Variants in KIAA1217 observed in about 807,000 individuals in gnomAD.
KIAA1217 encodes the protein KIAA1217.
In KIAA1217, 88 loss-of-function variants were observed where a neutral mutation model predicts 163.9. The observed-to-expected ratio is 0.54, with a 90% CI of 0.45 to 0.64. The LOEUF (loss-of-function observed/expected upper bound fraction) is 0.64. Ranked by LOEUF, KIAA1217 falls within the 30% of genes least tolerant of loss-of-function variation. KIAA1217 has a pLI of 0.00. For synonymous variants in KIAA1217, 903 were observed against 923.1 expected (o/e 0.98, Z 0.39); for missense variants, 2,372 against 2,475.0 (o/e 0.96, Z 0.88).
At chr10:24,116,464 C>T (rs1241682771) in intron 2 of KIAA1217, among the ~76,000 whole-genome samples, 2 of 152,092 alleles carry the variant, frequency 1.3e-5, no homozygotes, top group African/African-American at 4.8e-5. Flanking sequence ...AATATGGCAA[C>T]AGAGACTGCA....
intron 6 of KIAA1217, among the ~76,000 whole-genome samples, chr10:24,476,581 G>A (rs1269003694): frequency 1.3e-5 from 2 of 152,020 alleles, no homozygotes; most frequent in Non-Finnish European, 2.9e-5. Context: ...CTAAAATACA[G>A]TCATTATCAC....
rs1019261711 is a variant in KIAA1217, at chr10:24,037,528, G to A, written c.-171+30154G>A. 7.2e-5 allele frequency among the ~76,000 whole-genome samples: 11 copies of A among 151,992 alleles called. No individual in the cohort carries two copies. The East Asian group carries it at 1.2e-3, about 16-fold the overall frequency. On this transcript the variant is annotated intron_variant, in intron 2 of 18. Coordinates refer to the KIAA1217 transcript ENST00000376462. ...AGCAAAAAAATGGAACATAGCCCAC[G>A]AATTCAAAGTAAACCTCAGAGCAAA...
intron 1 of KIAA1217, among the ~76,000 whole-genome samples, chr10:23,791,117 C>G (rs573883532): frequency 7.2e-5 from 11 of 152,118 alleles, no homozygotes; most frequent in Admixed American, 1.3e-4. Context: ...CTTTTGACAT[C>G]TATAAATAGC....
At chr10:23,967,899 ATG>A (rs58562978) in intron 1 of KIAA1217, among the ~76,000 whole-genome samples, 19,755 of 143,632 alleles carry the variant, frequency 0.14, 2,560 homozygotes, top group African/African-American at 0.35. Flanking sequence ...AATATATTAA[ATG>A]TGTGTGTGTG....
At chr10:24,402,513 A>C (rs1454088036) in intron 3 of KIAA1217, among the ~76,000 whole-genome samples, 1 of 118,380 alleles carries the variant, frequency 8.4e-6, no homozygotes, top group African/African-American at 4.0e-5. Context: ...CCTCTCAAAA[A>C]AACAAAAAAC....
intron 2 of KIAA1217, among the ~76,000 whole-genome samples, chr10:24,305,526 A>G (rs2041911540): frequency 6.6e-6 from 1 of 152,118 alleles, no homozygotes; most frequent in African/African-American, 2.4e-5. Context: ...GGAAGGGACT[A>G]TTATCATCCT....
At chr10:24,005,862 G>A (rs4336925) in intron 1 of KIAA1217, among the ~76,000 whole-genome samples, 10,498 of 152,232 alleles carry the variant, frequency 0.069, 398 homozygotes, top group Middle Eastern at 0.11. Flanking sequence ...GTTTTATGAC[G>A]AAGTGGTCAC....
intron 1 of KIAA1217, among the ~76,000 whole-genome samples, chr10:23,785,856 A>G (rs1290495092): frequency 6.6e-6 from 1 of 152,138 alleles, no homozygotes; most frequent in Non-Finnish European, 1.5e-5. Flanking sequence ...GAAAAGAGTA[A>G]AGGAGAAAGA....
intron 2 of KIAA1217, among the ~76,000 whole-genome samples, chr10:24,349,493 C>G (rs2048199873): frequency 6.6e-6 from 1 of 152,160 alleles, no homozygotes; most frequent in East Asian, 1.9e-4. Flanking sequence ...GTGGTTTTCC[C>G]ATTTTACAGA....
rs544237473 is a variant in KIAA1217 at position 24,008,757 on chromosome 10, C to T, written c.-171+1383C>T. 2.6e-5 allele frequency among the ~76,000 whole-genome samples: 4 copies of T among 152,170 alleles called. No individual in the cohort carries two copies. The East Asian group carries it at 5.8e-4, about 22-fold the overall frequency. On this transcript the variant is annotated intron_variant, in intron 2 of 18. Coordinates refer to the KIAA1217 transcript ENST00000376462. ...CTGCCAAACCAGCTACCTTTCTCAC[C>T]CCAGGGAGAAGCCAGGGATCAGACA... is the stretch of plus-strand genomic sequence containing the variant.
At chr10:24,141,208 G>A (rs1032316249) in intron 2 of KIAA1217, among the ~76,000 whole-genome samples, 5 of 143,670 alleles carry the variant, frequency 3.5e-5, no homozygotes, top group African/African-American at 5.1e-5. Context: ...GTCTCTTAAT[G>A]CTCAGAGAAA....
At chr10:24,213,018 A>G (rs2068347906) in intron 1 of KIAA1217, among the ~76,000 whole-genome samples, 1 of 152,208 alleles carries the variant, frequency 6.6e-6, no homozygotes, top group Non-Finnish European at 1.5e-5. Context: ...TGAAAGTGAA[A>G]GGGAACACTC....
chr10:23,892,066 G>A (rs79902044), intron 1 of KIAA1217, among the ~76,000 whole-genome samples: 2,298 of 151,686 alleles, frequency 0.015, 58 homozygotes, highest in African/African-American at 0.052. Context: ...AAATATGAAT[G>A]GTGATAAAAA....
At chr10:24,347,883 T>G (rs997596796) in intron 2 of KIAA1217, among the ~76,000 whole-genome samples, 2 of 152,196 alleles carry the variant, frequency 1.3e-5, no homozygotes, top group Admixed American at 1.3e-4. Flanking sequence ...CACAATCAAA[T>G]TCATGAATAT....
intron 1 of KIAA1217, among the ~76,000 whole-genome samples, chr10:23,924,610 C>G (rs1842957296): frequency 6.6e-6 from 1 of 152,148 alleles, no homozygotes; most frequent in Non-Finnish European, 1.5e-5. Flanking sequence ...CAAAGTCAGA[C>G]AGTAGGACCA....
chr10:24,390,602 G>A (rs973283635), intron 3 of KIAA1217, among the ~76,000 whole-genome samples: 1 of 151,938 alleles, frequency 6.6e-6, no homozygotes, highest in Non-Finnish European at 1.5e-5. Context: ...ATGAATAAAT[G>A]TCCTTTATAC....
chr10:24,052,615 T>C (rs1022383649), intron 2 of KIAA1217, among the ~76,000 whole-genome samples: 5 of 152,090 alleles, frequency 3.3e-5, no homozygotes, highest in African/African-American at 1.2e-4. Context: ...AGTTTTCAAG[T>C]CTAATGAGCC....
At chr10:23,794,768 T>A (rs1439713384) in intron 1 of KIAA1217, among the ~76,000 whole-genome samples, 1 of 152,206 alleles carries the variant, frequency 6.6e-6, no homozygotes, top group Non-Finnish European at 1.5e-5. Context: ...TCTCTAAAAG[T>A]GTCTGATGAT....
chr10:24,486,386 C>T (rs1025478613), intron 6 of KIAA1217, among the ~76,000 whole-genome samples: 3 of 152,210 alleles, frequency 2.0e-5, no homozygotes, highest in Non-Finnish European at 4.4e-5. Context: ...CCCTATTGTC[C>T]TTGTACAATA....
Sources: allele counts gnomAD v4.1 joint callset (sites outside exome capture counted in the v4.1 genomes callset), GRCh38; gene constraint gnomAD v4.1.1; transcripts MANE v1.5; gene names NCBI Gene and HGNC (gene_info 2026-07-23, HGNC 2026-07-21).